SACS: variants seen among roughly 807,000 people sequenced by gnomAD.
SACS encodes the protein sacsin.
Under a neutral mutation model 348.0 loss-of-function variants are expected in SACS, and 197 were observed. The ratio of observed to expected loss-of-function variants is 0.57; its 90% CI spans 0.50 to 0.64. The LOEUF is 0.64. Among genes scored for constraint, SACS ranks in the 30% least tolerant of loss-of-function variants. SACS has a pLI of 0.00. For synonymous variants in SACS, 1,985 were observed against 1,910.6 expected, an observed-to-expected ratio of 1.04 and a Z score of -1.02; for missense variants, 4,999 against 5,360.8, an observed-to-expected ratio of 0.93 and a Z score of 2.11.
intron 2 of SACS, among the ~76,000 whole-genome samples, chr13:23,397,028 A>T (rs9507085): frequency 6.6e-6 from 1 of 152,056 alleles, no homozygotes; most frequent in African/African-American, 2.4e-5. Context: ...GAAAAATTAT[A>T]CTATAAGACA....
Position 23,338,057 on chromosome 13 carries a change from T to C in SACS, c.5819A>G (p.Tyr1940Cys), listed in dbSNP as rs1868824730. ...ATCGGGCCATACTGCATAGTAAGTA[T>C]AATCCATTAGCTCCCCACTAGTGGC... ...DLATSGELMD[Y>C]TYYAVWPDPD... Residue 1940 changes from tyrosine (Y) to cysteine (C), a missense_variant, in exon 10 of 10, where the codon TAT (tyrosine) becomes TGT (cysteine). Transcript: ENST00000382292. The C allele has an allele frequency of 6.2e-7, 1 of 1,613,774 alleles. No individual in the cohort carries two copies. Among genetic ancestry groups the C allele is most frequent in the African/African-American group, 1.3e-5 (1 of 74,894 alleles).
intron 2 of SACS, among the ~76,000 whole-genome samples, chr13:23,405,167 A>G (rs551842967): frequency 6.6e-6 from 1 of 152,322 alleles, no homozygotes; most frequent in South Asian, 2.1e-4. Context: ...ACTATACTAC[A>G]AGTCTACAGT....
Position 23,331,803 on chromosome 13 carries a change from T to G in SACS, c.12073A>C (p.Asn4025His), listed in dbSNP as rs1883495382. Residue 4025 changes from asparagine (N) to histidine (H), a missense_variant, in exon 10 of 10, where the codon AAT becomes CAT. This residue lies in a region of SACS where 831 missense variants were observed against 941.8 expected (regional missense o/e 0.88). Transcript: ENST00000382292. ...LIRIMKHEND[N>H]AFLANEEKAI... ...TTTTCTTCATTGGCCAGAAAAGCAT[T>G]ATCATTTTCATGCTTCATAATTCTA... 6.2e-7 allele frequency: 1 copy of G among 1,614,010 alleles called. No individual in the cohort carries two copies. The highest frequency in any genetic ancestry group is 8.5e-7 in the Non-Finnish European group (1 of 1,179,942).
chr13:23,417,383 G>A (rs1301742171), intron 1 of SACS, among the ~76,000 whole-genome samples: 4 of 152,164 alleles, frequency 2.6e-5, no homozygotes, highest in Non-Finnish European at 5.9e-5. Flanking sequence ...TGCTCTAGAA[G>A]ATATTAAGCT....
At chr13:23,389,003 CAT>C (rs1383822897) in intron 2 of SACS, among the ~76,000 whole-genome samples, 1 of 152,094 alleles carries the variant, frequency 6.6e-6, no homozygotes, top group Non-Finnish European at 1.5e-5. Flanking sequence ...AAATACATAA[CAT>C]GAGTTTTCTA....
At chr13:23,376,195 G>A (rs918765096) in intron 2 of SACS, among the ~76,000 whole-genome samples, 1 of 152,102 alleles carries the variant, frequency 6.6e-6, no homozygotes, top group Admixed American at 6.5e-5. Context: ...TATATTGTTG[G>A]TAGCCTGAAT....
chr13:23,408,378 G>A (rs1466397622), intron 2 of SACS, among the ~76,000 whole-genome samples: 7 of 152,168 alleles, frequency 4.6e-5, no homozygotes, highest in Non-Finnish European at 8.8e-5. Context: ...AATGGAGAAG[G>A]AGCCAGTCCC....
intron 5 of SACS, among the ~76,000 whole-genome samples, chr13:23,366,913 C>T (rs1165340308): frequency 6.7e-6 from 1 of 149,962 alleles, no homozygotes; most frequent in African/African-American, 2.5e-5. Context: ...ATTTCTAAGA[C>T]TCCTATTAAA....
intron 2 of SACS, among the ~76,000 whole-genome samples, chr13:23,383,905 C>G (rs1872168702): frequency 6.6e-6 from 1 of 152,166 alleles, no homozygotes; most frequent in Non-Finnish European, 1.5e-5. Flanking sequence ...TCCCCAACCC[C>G]AGTGCCTGGC....
chr13:23,342,488 G>A (rs576989305), intron 9 of SACS, among the ~76,000 whole-genome samples: 9 of 152,174 alleles, frequency 5.9e-5, no homozygotes, highest in South Asian at 2.1e-4. Context: ...TTTGCATTTC[G>A]GACTCTTTTG....
chr13:23,387,054 T>C (rs1756793510), intron 2 of SACS, among the ~76,000 whole-genome samples: 1 of 152,118 alleles, frequency 6.6e-6, no homozygotes, highest in South Asian at 2.1e-4. Context: ...TAAAATATTA[T>C]GAGAATTTCC....
At chr13:23,408,970 TA>T (rs1677161334) in intron 2 of SACS, among the ~76,000 whole-genome samples, 1 of 128,832 alleles carries the variant, frequency 7.8e-6, no homozygotes, top group Non-Finnish European at 1.7e-5. Flanking sequence ...TCAAAAAAAA[TA>T]AAAAAGAATT....
chr13:23,360,319 A>G (rs1022122774), intron 6 of SACS, among the ~76,000 whole-genome samples: 2 of 151,850 alleles, frequency 1.3e-5, no homozygotes, highest in African/African-American at 4.8e-5. Flanking sequence ...CCTACCCAAC[A>G]GCTAACTTAA....
In SACS at chr13:23,355,297, C is replaced by A. The variant is rs779038473; in HGVS notation, c.1315G>T (p.Asp439Tyr). 16 of 1,614,042 alleles carry A rather than the reference C, an allele frequency of 9.9e-6. No individual in the cohort carries two copies. Among genetic ancestry groups the A allele is most frequent in the Non-Finnish European group, 2.5e-6 (3 of 1,180,048 alleles). ...AAACAAAATGCTTTTCCTGAGAAAT[C>A]AGACGTTGCTCCTTTTGCTTCATCA... ...RDDEAKGATS[D>Y]FSGKAFCFLP... Residue 439 changes from aspartate to tyrosine, a missense_variant, in exon 8 of 10, where the codon GAT (aspartate) becomes TAT (tyrosine). Around this residue, in one of 6 missense-constraint regions of SACS, gnomAD observed 3,156 missense variants for 3,380.1 expected, o/e 0.93. Coordinates refer to ENST00000382292, the MANE Select transcript of SACS (RefSeq NM_014363.6).
chr13:23,387,178 G>T (rs1009928639), intron 2 of SACS, among the ~76,000 whole-genome samples: 5 of 151,976 alleles, frequency 3.3e-5, no homozygotes, highest in Admixed American at 2.6e-4. Context: ...AACGAATGTC[G>T]GCCGGGCGCG....
In SACS at chr13:23,333,396, A is replaced by C; in HGVS notation, c.10480T>G (p.Leu3494Val). ...KIENLSYDAK[L>V]EHLIYLKNRL... ...TTCTTAAGGTAGATCAAGTGCTCTA[A>C]TTTTGCATCATAAGAGAGATTTTCA... The change falls in exon 10 of 10, where the codon TTA becomes GTA. Residue 3494 changes from leucine to valine, a missense_variant. This residue lies in a region of SACS where 734 missense variants were observed against 694.0 expected (regional missense o/e 1.06). Coordinates refer to ENST00000382292, the MANE Select transcript of SACS (RefSeq NM_014363.6). 6.2e-7 allele frequency: 1 copy of C among 1,606,542 alleles called. No homozygotes were observed. Among genetic ancestry groups the C allele is most frequent in the Non-Finnish European group, 8.5e-7 (1 of 1,177,246 alleles).
intron 1 of SACS, among the ~76,000 whole-genome samples, chr13:23,416,150 T>C (rs907449167): frequency 1.5e-4 from 23 of 151,814 alleles, no homozygotes; most frequent in African/African-American, 2.7e-4. Context: ...GGCATGGTGG[T>C]GTGTGCCTGT....
Position 23,339,988 on chromosome 13 carries a change from A to C in SACS, c.3888T>G (p.His1296Gln). Residue 1296 changes from histidine to glutamine, a missense_variant, in exon 10 of 10, where the codon CAT becomes CAG. His to Gln is a conservative substitution (Grantham distance 24). Coordinates refer to ENST00000382292, the MANE Select transcript of SACS (RefSeq NM_014363.6). ...PLAQAVIKPI[H>Q]DLDLQPYLHN... is the part of the protein sequence containing the mutation. ...GCAAATAAGGCTGAAGGTCAAGATC[A>C]TGGATTGGTTTAATCACAGCCTGGG... is the stretch of plus-strand genomic sequence containing the variant. 1 of 1,613,460 alleles carries C rather than the reference A, an allele frequency of 6.2e-7. No homozygotes were observed. Among genetic ancestry groups the C allele is most frequent in the South Asian group, 1.1e-5 (1 of 90,860 alleles).
intron 2 of SACS, among the ~76,000 whole-genome samples, chr13:23,399,019 C>CAAAACAAAAAAAAAAAA (rs1872833575): frequency 1.5e-5 from 1 of 67,140 alleles, no homozygotes; most frequent in Admixed American, 2.1e-4. Flanking sequence ...GACTCCATCT[C>CAAAACAAAAAAAAAAAA]AAAAAAAAAA....
Sources: allele counts gnomAD v4.1 joint callset (sites outside exome capture counted in the v4.1 genomes callset), GRCh38; gene constraint gnomAD v4.1.1; regional missense constraint gnomAD v4.1.1; transcripts MANE v1.5; gene names NCBI Gene and HGNC (gene_info 2026-07-23, HGNC 2026-07-21).